Variants in ORC3 observed in about 807,000 individuals in gnomAD.
The protein encoded by ORC3 is origin recognition complex subunit 3, also known as homolog of latheo, Drosophila.
In ORC3, 78 loss-of-function variants were observed where a neutral mutation model predicts 100.7. The observed-to-expected ratio is 0.77, with a 90% CI of 0.65 to 0.94. ORC3 has a LOEUF of 0.94. ORC3 is among the 40% of genes least tolerant of loss of function. The probability of loss-of-function intolerance (pLI) is 0.00; values close to 1 mark genes in which losing one functional copy is unlikely to be tolerated. For synonymous variants in ORC3, 295 were observed against 289.3 expected, an observed-to-expected ratio of 1.02 and a Z score of -0.20; for missense variants, 789 against 823.9, an observed-to-expected ratio of 0.96 and a Z score of 0.52.
intron 13 of ORC3, among the ~76,000 whole-genome samples, chr6:87,648,780 TATC>T (rs1463903633): frequency 3.3e-5 from 5 of 152,356 alleles, no homozygotes; most frequent in East Asian, 1.9e-4. Context: ...CACTATATAA[TATC>T]ATGTTTTTAA....
intron 11 of ORC3, among the ~76,000 whole-genome samples, chr6:87,630,139 A>G (rs1000926458): frequency 6.6e-6 from 1 of 152,208 alleles, no homozygotes; most frequent in African/African-American, 2.4e-5. Context: ...TACTTAAAAG[A>G]GAGACTGAGG....
chr6:87,598,648 G>T (rs1171396088), intron 2 of ORC3, among the ~76,000 whole-genome samples: 1 of 148,852 alleles, frequency 6.7e-6, no homozygotes, highest in African/African-American at 2.5e-5. Context: ...TGCTTTAGAA[G>T]TTTGCTAGGC....
chr6:87,606,145 G>A, intron 5 of ORC3, 124 bp downstream of exon 5: 2 of 587,642 alleles, frequency 3.4e-6, no homozygotes. Context: ...TATGTTTTAG[G>A]CAGGGTGAGG....
intron 17 of ORC3, 104 bp from the exon 18 acceptor site, chr6:87,664,639 C>T: frequency 1.2e-6 from 1 of 824,824 alleles, no homozygotes; most frequent in Non-Finnish European, 2.0e-6. Flanking sequence ...ACCAAGATTC[C>T]ATTTACTGGT....
chr6:87,601,669 A>AT (rs1291316022), intron 2 of ORC3, 115 bp from the exon 3 acceptor site: 2 of 617,824 alleles, frequency 3.2e-6, no homozygotes, highest in Non-Finnish European at 5.8e-6. Flanking sequence ...GAGACTCCAT[A>AT]TCAAAAAAAA....
chr6:87,602,324 C>T (rs548986070), intron 3 of ORC3, among the ~76,000 whole-genome samples: 4 of 152,318 alleles, frequency 2.6e-5, no homozygotes, highest in Admixed American at 2.0e-4. Context: ...TGGTGACGCT[C>T]TTAAATTATC....
chr6:87,617,418 T>C (rs1188654567), intron 9 of ORC3, among the ~76,000 whole-genome samples: 1 of 152,178 alleles, frequency 6.6e-6, no homozygotes, highest in Non-Finnish European at 1.5e-5. Context: ...TTTGAATACA[T>C]GCCAGTTGTC....
chr6:87,642,378 G>A (rs756866492), intron 13 of ORC3, among the ~76,000 whole-genome samples: 4 of 152,032 alleles, frequency 2.6e-5, no homozygotes, highest in Non-Finnish European at 5.9e-5. Context: ...ATCACCTGAG[G>A]TCAGGAGTTC....
In ORC3 at chr6:87,590,140, C is replaced by T. The variant is rs1488854361; in HGVS notation, c.-29C>T. 41 of 1,613,726 alleles carry T rather than the reference C, an allele frequency of 2.5e-5. No homozygotes were observed. The highest frequency in any genetic ancestry group is 2.9e-5 in the Non-Finnish European group (34 of 1,179,686). On this transcript the variant is annotated 5_prime_UTR_variant, in exon 1 of 20. Transcript: ENST00000392844. ...GAGGGCGCGCGGGAAATCCCGAGTG[C>T]ATCTGGAATACGCAGAGTCAGTAAG... is the stretch of plus-strand genomic sequence containing the variant.
At chr6:87,613,960 G>A (rs1421436931) in intron 8 of ORC3, among the ~76,000 whole-genome samples, 1 of 151,686 alleles carries the variant, frequency 6.6e-6, no homozygotes, top group Admixed American at 6.6e-5. Flanking sequence ...GGGGTGTAGA[G>A]GATGGTAGCC....
chr6:87,618,774 G>GT (rs946121503), intron 9 of ORC3, among the ~76,000 whole-genome samples: 112 of 147,680 alleles, frequency 7.6e-4, no homozygotes, highest in African/African-American at 1.1e-3. Context: ...ATGTTCTGTT[G>GT]TTTTTTTTTT....
At chr6:87,656,424 C>T (rs766682458) in intron 14 of ORC3, among the ~76,000 whole-genome samples, 6 of 152,042 alleles carry the variant, frequency 3.9e-5, no homozygotes, top group Non-Finnish European at 7.4e-5. Flanking sequence ...CCCTTCTCTA[C>T]TAAAAATACA....
Position 87,594,411 on chromosome 6 carries a change from A to T in ORC3, c.79+4A>T, listed in dbSNP as rs765142177. The T allele has an allele frequency of 1.9e-6, 3 of 1,574,046 alleles. No homozygotes were observed. Among genetic ancestry groups the T allele is most frequent in the Admixed American group, 3.4e-5 (2 of 59,016 alleles). ...AGAAAGATCTCTCTGCCAATAGGTAAGGTGTCTGAATATTAAATTTTTTAT... is the reference window on the plus strand; with the variant it reads ...AGAAAGATCTCTCTGCCAATAGGTATGGTGTCTGAATATTAAATTTTTTAT... On this transcript the variant is annotated splice_donor_region_variant and intron_variant, in intron 2 of 19. Coordinates refer to ENST00000392844, the MANE Select transcript of ORC3 (RefSeq NM_012381.4).
At chr6:87,663,769 C>A (rs1441356053) in intron 17 of ORC3, among the ~76,000 whole-genome samples, 2 of 152,186 alleles carry the variant, frequency 1.3e-5, no homozygotes, top group African/African-American at 4.8e-5. Flanking sequence ...AACTAGCTTT[C>A]TTATGACCGG....
At chr6:87,611,630 T>TA (rs1357557907) in intron 7 of ORC3, among the ~76,000 whole-genome samples, 2 of 151,678 alleles carry the variant, frequency 1.3e-5, no homozygotes, top group East Asian at 3.9e-4. Flanking sequence ...CCACTAAAAT[T>TA]AAAAAATTAG....
intron 13 of ORC3, among the ~76,000 whole-genome samples, chr6:87,638,758 C>T (rs1245386791): frequency 6.6e-6 from 1 of 152,124 alleles, no homozygotes; most frequent in Non-Finnish European, 1.5e-5. Flanking sequence ...TTGTTTGTTG[C>T]TGTTGTTTAA....
At chr6:87,660,549 T>G (rs1770102895) in intron 16 of ORC3, among the ~76,000 whole-genome samples, 1 of 152,232 alleles carries the variant, frequency 6.6e-6, no homozygotes. Flanking sequence ...AGCAGGAGAC[T>G]TCAGGAGGCA....
chr6:87,647,687 C>A (rs1583138074), intron 13 of ORC3, among the ~76,000 whole-genome samples: 1 of 152,204 alleles, frequency 6.6e-6, no homozygotes, highest in Admixed American at 6.5e-5. Flanking sequence ...ATGCCCAGAA[C>A]AGTGACTAGT....
At chr6:87,649,467 G>A (rs1301907334) in intron 13 of ORC3, among the ~76,000 whole-genome samples, 1 of 152,092 alleles carries the variant, frequency 6.6e-6, no homozygotes, top group Non-Finnish European at 1.5e-5. Flanking sequence ...AAAATTTACG[G>A]CCAGGCGCCA....
Sources: allele counts gnomAD v4.1 joint callset (sites outside exome capture counted in the v4.1 genomes callset), GRCh38; gene constraint gnomAD v4.1.1; transcripts MANE v1.5; gene names NCBI Gene and HGNC (gene_info 2026-07-23, HGNC 2026-07-21).